The following ARAP1 variants were observed in gnomAD, a reference collection of about 807,000 sequenced individuals.
ARAP1 encodes the protein ArfGAP with RhoGAP domain, ankyrin repeat and PH domain 1.
Under a neutral mutation model 172.2 loss-of-function variants are expected in ARAP1, and 76 were observed. The observed-to-expected ratio is 0.44, with a 90% CI of 0.37 to 0.53. The LOEUF is 0.53. Among genes scored for constraint, ARAP1 ranks in the 20% least tolerant of loss-of-function variants. The pLI, the probability that ARAP1 is intolerant of heterozygous loss-of-function variation, is 0.00. For synonymous variants in ARAP1, 804 were observed against 803.3 expected (o/e 1.00, Z -0.01); for missense variants, 1,686 against 1,977.5 (o/e 0.85, Z 2.80).
rs1347070277 is a variant in ARAP1, at chr11:72,741,797, G to GCA, written c.-127-9202_-127-9201dup. On this transcript the variant is annotated intron_variant, in intron 1 of 34. Coordinates refer to ENST00000393609, the MANE Select transcript of ARAP1 (RefSeq NM_001040118.3). The surrounding 1 kb of genome is among the most constrained non-coding windows in gnomAD (Gnocchi z 4.5). ...CACGTGCCCTGGGGGCCGAGGGCCA[G>GCA]CACCCACCCTGCCCCAAGAGGGAAG... is the stretch of plus-strand genomic sequence containing the variant. Among the ~76,000 whole-genome samples the GCA allele has an allele frequency of 2.0e-5, 3 of 152,132 alleles. No individual in the cohort carries two copies. Among genetic ancestry groups the GCA allele is most frequent in the Non-Finnish European group, 2.9e-5 (2 of 67,998 alleles).
chr11:72,686,752 C>A (rs1487893559), intron 33 of ARAP1, among the ~76,000 whole-genome samples: 1 of 152,230 alleles, frequency 6.6e-6, no homozygotes, highest in African/African-American at 2.4e-5. Context: ...CTGGCCTGCT[C>A]ACCTCTGGGT....
rs1855755254 is a variant in ARAP1, at chr11:72,687,825, CAGCCAGAGCCAG to C, written c.4071-99_4071-88del. 4 of 1,474,756 alleles carry C rather than the reference CAGCCAGAGCCAG, an allele frequency of 2.7e-6. No homozygotes were observed. The East Asian group carries it at 6.8e-5, about 25-fold the overall frequency. The allele number at this position is 1,474,756 out of a possible 1,614,324, so 91.4% of individuals were successfully genotyped here. ...TTCCCAGGACAGAGCCCAGAAGCCACAGCCAGAGCCAGAGCCAGAGTTCAGAGCCTTCTCACA... is the reference window on the plus strand; with the variant it reads ...TTCCCAGGACAGAGCCCAGAAGCCACAGCCAGAGTTCAGAGCCTTCTCACA... On this transcript the variant is annotated intron_variant, in intron 31 of 34. Coordinates refer to ENST00000393609, the MANE Select transcript of ARAP1 (RefSeq NM_001040118.3).
chr11:72,687,302 T>C, intron 33 of ARAP1, 137 bp downstream of exon 33: 2 of 1,129,240 alleles, frequency 1.8e-6, no homozygotes, highest in African/African-American at 1.5e-5. Flanking sequence ...TTGAATAAAC[T>C]AGCAAATGAA....
In ARAP1 at chr11:72,695,675, A is replaced by G. The variant is rs201935587; in HGVS notation, c.3420+43T>C. 6.2e-7 allele frequency: 1 copy of G among 1,614,074 alleles called. No homozygotes were observed. Reference sequence around the variant, plus strand: ...GGACAGGTGGTCACCGTCATCTGCAAGGATCACCCCTGCCCTCCACTGCCC... The same window carrying G: ...GGACAGGTGGTCACCGTCATCTGCAGGGATCACCCCTGCCCTCCACTGCCC... On this transcript the variant is annotated intron_variant, in intron 24 of 34. Transcript: ENST00000393609. This position sits in a 1 kb window ranked among gnomAD's most constrained non-coding sequence, Gnocchi z 4.4.
At chr11:72,711,300 G>A (rs1857001616) in intron 8 of ARAP1, 130 bp downstream of exon 8, 5 of 1,463,764 alleles carry the variant, frequency 3.4e-6, no homozygotes, top group Admixed American at 3.8e-5. Context: ...AGGGCCAGGA[G>A]GACATGGGTT....
chr11:72,743,450 G>C (rs73543237), intron 1 of ARAP1, among the ~76,000 whole-genome samples: 2,389 of 150,486 alleles, frequency 0.016, 60 homozygotes, highest in African/African-American at 0.055. Context: ...ACGGAGGCAA[G>C]AAGAGGGTGG....
At chr11:72,712,615 A>T (rs1230361540) in intron 5 of ARAP1, 47 bp from the exon 6 acceptor site, 3 of 1,607,404 alleles carry the variant, frequency 1.9e-6, no homozygotes, top group Non-Finnish European at 2.5e-6. Flanking sequence ...CAAGCCACAG[A>T]TCACACCCAC....
At chr11:72,721,940 G>A (rs11603334) in intron 3 of ARAP1, 144,193 of 986,418 alleles carry the variant, frequency 0.15, 11,210 homozygotes, top group South Asian at 0.17. Context: ...GTACCTGCCC[G>A]TGCAAGCCTG....
intron 12 of ARAP1, among the ~76,000 whole-genome samples, chr11:72,706,417 A>C (rs1380688481): frequency 1.3e-5 from 2 of 151,728 alleles, no homozygotes; most frequent in Non-Finnish European, 2.9e-5. Flanking sequence ...CTGGATCCCC[A>C]CCTCCAGCAG....
chr11:72,714,795 C>G (rs1200235907), intron 3 of ARAP1, among the ~76,000 whole-genome samples: 5 of 152,324 alleles, frequency 3.3e-5, no homozygotes, highest in Non-Finnish European at 7.3e-5. Flanking sequence ...AATTGTGGGT[C>G]TCTGTCTCAA....
chr11:72,749,885 A>AT (rs142489578), intron 1 of ARAP1, among the ~76,000 whole-genome samples: 18,456 of 150,536 alleles, frequency 0.12, 1,375 homozygotes, highest in South Asian at 0.2. Context: ...AAAAAAAAAA[A>AT]GTTCCCTCTC....
chr11:72,725,982 G>A lies in ARAP1; in HGVS notation c.509+638C>T, dbSNP rs1857676391. 1.3e-5 allele frequency among the ~76,000 whole-genome samples: 2 copies of A among 152,110 alleles called. No individual in the cohort carries two copies. The highest frequency in any genetic ancestry group is 4.8e-5 in the African/African-American group (2 of 41,408). On this transcript the variant is annotated intron_variant, in intron 3 of 34. Transcript: ENST00000393609. This position sits in a 1 kb window ranked among gnomAD's most constrained non-coding sequence, Gnocchi z 4.3. ...GGCAGGAAGGGAGGGCGTCTGTGAA[G>A]GAGATTAACATGGAATATCCACAGG...
At position 72,726,509 on chromosome 11, in the gene ARAP1, C is replaced by T; in HGVS notation, c.509+111G>A. 7.4e-7 allele frequency: 1 copy of T among 1,349,638 alleles called. No homozygotes were observed. Among genetic ancestry groups the T allele is most frequent in the Non-Finnish European group, 9.8e-7 (1 of 1,020,424 alleles). The allele number at this position is 1,349,638 out of a possible 1,614,324, so 83.6% of individuals were successfully genotyped here. ...CCGAGCTTTGCACACGCTGTTCCCC[C>T]TGCACTTCCGAAGTGCCTTTCTTAC... is the stretch of plus-strand genomic sequence containing the variant. On this transcript the variant is annotated intron_variant, in intron 3 of 34. Coordinates refer to ENST00000393609, the MANE Select transcript of ARAP1 (RefSeq NM_001040118.3). This position sits in a 1 kb window ranked among gnomAD's most constrained non-coding sequence, Gnocchi z 6.5.
chr11:72,695,637 G>A lies in ARAP1; in HGVS notation c.3421-9C>T. ...AGCTCTTCCTCATCCACCTGGGAAG[G>A]GGCGAGAGGCAGGGACAGGTGGTCA... On this transcript the variant is annotated splice_polypyrimidine_tract_variant and intron_variant, in intron 24 of 34. Transcript: ENST00000393609. This position sits in a 1 kb window ranked among gnomAD's most constrained non-coding sequence, Gnocchi z 4.4. The A allele has an allele frequency of 1.2e-6, 2 of 1,614,040 alleles. No homozygotes were observed. Among genetic ancestry groups the A allele is most frequent in the Non-Finnish European group, 1.7e-6 (2 of 1,179,994 alleles).
At chr11:72,697,292 G>A in intron 21 of ARAP1, 31 bp downstream of exon 21, 1 of 1,574,086 alleles carries the variant, frequency 6.4e-7, no homozygotes, top group East Asian at 2.3e-5. Context: ...TCCGGGAGGG[G>A]CGGGGCTGGC....
At chr11:72,744,367 G>A (rs955462337) in intron 1 of ARAP1, among the ~76,000 whole-genome samples, 1 of 152,166 alleles carries the variant, frequency 6.6e-6, no homozygotes, top group African/African-American at 2.4e-5. Context: ...TGGCCAAAGT[G>A]TGGCCAGAAC....
chr11:72,714,455 C>T, intron 3 of ARAP1, 134 bp from the exon 4 acceptor site: 1 of 866,250 alleles, frequency 1.2e-6, no homozygotes, highest in Non-Finnish European at 1.7e-6. Flanking sequence ...CCCTCCTGCA[C>T]ACAGTCCTCC....
At chr11:72,720,135 C>T (rs928572384) in intron 3 of ARAP1, among the ~76,000 whole-genome samples, 4 of 152,204 alleles carry the variant, frequency 2.6e-5, no homozygotes, top group Admixed American at 6.5e-5. Flanking sequence ...GGACCTGGCC[C>T]AATCCCAGCC....
In ARAP1 at chr11:72,709,713, G is replaced by A. The variant is rs956566192; in HGVS notation, c.1523+157C>T. ...CTCAGGAGGGAAGGAGATCAGAGAGGGTTAGCAAGTGACGGGAGAGGGGCT... is the reference window on the plus strand; with the variant it reads ...CTCAGGAGGGAAGGAGATCAGAGAGAGTTAGCAAGTGACGGGAGAGGGGCT... On this transcript the variant is annotated intron_variant, in intron 11 of 34. Coordinates refer to ENST00000393609, the MANE Select transcript of ARAP1 (RefSeq NM_001040118.3). 1.1e-5 allele frequency: 8 copies of A among 744,108 alleles called. No homozygotes were observed. The African/African-American group carries it at 1.2e-4, about 11-fold the overall frequency. 46.1% of individuals were successfully genotyped at this position (744,108 alleles called of 1,614,324 possible). A position where few individuals can be genotyped will look rare whatever the true frequency, so the allele number is the denominator to read the frequency against.
Sources: allele counts gnomAD v4.1 joint callset (sites outside exome capture counted in the v4.1 genomes callset), GRCh38; gene constraint gnomAD v4.1.1; non-coding constraint Gnocchi (gnomAD v3.1); transcripts MANE v1.5; gene names NCBI Gene and HGNC (gene_info 2026-07-23, HGNC 2026-07-21).